PEX14: variants seen among roughly 807,000 people sequenced by gnomAD.
The protein encoded by PEX14 is peroxisomal biogenesis factor 14.
In PEX14, 15 loss-of-function variants were observed where a neutral mutation model predicts 49.5. The observed-to-expected ratio is 0.30, with a 90% CI of 0.20 to 0.47. The LOEUF is 0.47. Among genes scored for constraint, PEX14 ranks in the 20% least tolerant of loss-of-function variants. PEX14 has a pLI of 1.00. For missense variants in PEX14, 398 were observed against 494.8 expected, an observed-to-expected ratio of 0.80 and a Z score of 1.86; for synonymous variants, 210 against 212.7, an observed-to-expected ratio of 0.99 and a Z score of 0.11.
chr1:10,505,667 C>T (rs114571606), intron 2 of PEX14, among the ~76,000 whole-genome samples: 1,728 of 149,518 alleles, frequency 0.012, 27 homozygotes, highest in African/African-American at 0.04. Flanking sequence ...GTGAGCCACC[C>T]GGCCCAGCTT....
intron 3 of PEX14, among the ~76,000 whole-genome samples, chr1:10,572,689 A>C (rs11583484): frequency 0.11 from 15,752 of 144,580 alleles, 876 homozygotes; most frequent in Non-Finnish European, 0.12. Context: ...CGCCCCCCCC[A>C]CCACGCCCAG....
Position 10,512,467 on chromosome 1 carries a change from T to G in PEX14, c.84+17146T>G, listed in dbSNP as rs1570180229. Among the ~76,000 whole-genome samples the G allele has an allele frequency of 2.0e-5, 3 of 152,094 alleles. No individual in the cohort carries two copies. The South Asian group carries it at 6.2e-4, about 32-fold the overall frequency. Reference sequence around the variant, plus strand: ...TTGTGGAATTTTAATGAAGGTGGGGTGGATCCCTGATGTTCGCCTGCTTTG... The same window carrying G: ...TTGTGGAATTTTAATGAAGGTGGGGGGGATCCCTGATGTTCGCCTGCTTTG... On this transcript the variant is annotated intron_variant, in intron 2 of 8. Transcript: ENST00000356607. The surrounding 1 kb of genome is among the most constrained non-coding windows in gnomAD (Gnocchi z 4.6).
At chr1:10,563,796 C>A (rs1048928991) in intron 3 of PEX14, among the ~76,000 whole-genome samples, 9 of 151,970 alleles carry the variant, frequency 5.9e-5, no homozygotes, top group Non-Finnish European at 1.5e-5. Flanking sequence ...CCTGTAGTTC[C>A]AGCTACTCGG....
Position 10,584,284 on chromosome 1 carries a change from A to G in PEX14, c.170-14954A>G, listed in dbSNP as rs77031541. Among the ~76,000 whole-genome samples the G allele has an allele frequency of 6.1e-3, 935 of 152,322 alleles. 15 individuals carry two copies. Among genetic ancestry groups the G allele is most frequent in the African/African-American group, 0.022 (903 of 41,584 alleles). On this transcript the variant is annotated intron_variant, in intron 3 of 8. Transcript: ENST00000356607. Reference sequence around the variant, plus strand: ...TTTGGTGGGGCAAGATTAGGAGTTCAGTGTTAGACGTATTAAGTTTGAGAT... The same window carrying G: ...TTTGGTGGGGCAAGATTAGGAGTTCGGTGTTAGACGTATTAAGTTTGAGAT...
intron 4 of PEX14, 120 bp downstream of exon 4, chr1:10,599,486 C>A: frequency 8.3e-7 from 1 of 1,206,256 alleles, no homozygotes; most frequent in Non-Finnish European, 1.2e-6. Flanking sequence ...CAGCAGAAAG[C>A]TCTTGGGTTT....
At chr1:10,564,591 CTTTCTT>C (rs1413375821) in intron 3 of PEX14, among the ~76,000 whole-genome samples, 4 of 109,480 alleles carry the variant, frequency 3.7e-5, no homozygotes, top group Non-Finnish European at 5.4e-5. Context: ...TTTTCTTTTT[CTTTCTT>C]TTTTTTTTTT....
intron 2 of PEX14, among the ~76,000 whole-genome samples, chr1:10,508,075 C>T (rs1407510083): frequency 1.3e-5 from 2 of 152,222 alleles, no homozygotes; most frequent in African/African-American, 4.8e-5. Flanking sequence ...TTCTTCCTGT[C>T]AGCATTTCCC....
At chr1:10,556,464 C>G (rs1639492974) in intron 3 of PEX14, among the ~76,000 whole-genome samples, 1 of 152,096 alleles carries the variant, frequency 6.6e-6, no homozygotes, top group Non-Finnish European at 1.5e-5. Flanking sequence ...TTCTATTATA[C>G]TAATAAGGAG....
At chr1:10,622,357 G>T (rs1026875107) in intron 5 of PEX14, among the ~76,000 whole-genome samples, 2 of 152,120 alleles carry the variant, frequency 1.3e-5, no homozygotes, top group African/African-American at 4.8e-5. Context: ...TGACTCTTAC[G>T]TGAAGGAAGT....
intron 3 of PEX14, among the ~76,000 whole-genome samples, chr1:10,582,016 A>G (rs993766558): frequency 3.9e-4 from 3 of 7,786 alleles, no homozygotes; most frequent in African/African-American, 4.9e-4. Context: ...CTCATGATTA[A>G]ATTAAATTTT....
chr1:10,579,861 T>G (rs1640260638), intron 3 of PEX14, among the ~76,000 whole-genome samples: 1 of 152,032 alleles, frequency 6.6e-6, no homozygotes, highest in Admixed American at 6.5e-5. Context: ...CTGTATTTTG[T>G]GCCGACTTTC....
chr1:10,594,356 T>C (rs539606681), intron 3 of PEX14, among the ~76,000 whole-genome samples: 7 of 152,220 alleles, frequency 4.6e-5, no homozygotes, highest in South Asian at 2.1e-4. Context: ...TCAGTGTCCA[T>C]GAGTCCCAGA....
intron 8 of PEX14, among the ~76,000 whole-genome samples, chr1:10,627,671 T>G (rs1255166948): frequency 1.3e-5 from 2 of 152,204 alleles, no homozygotes; most frequent in African/African-American, 4.8e-5. Context: ...AACTTCCTGG[T>G]TTGGCTCCTC....
chr1:10,523,477 G>A (rs1414040700), intron 2 of PEX14, among the ~76,000 whole-genome samples: 1 of 152,046 alleles, frequency 6.6e-6, no homozygotes, highest in Non-Finnish European at 1.5e-5. Flanking sequence ...ATCAGCGACT[G>A]CCTCATGGAA....
At chr1:10,491,741 C>CATG (rs2124395229) in intron 1 of PEX14, among the ~76,000 whole-genome samples, 1 of 135,552 alleles carries the variant, frequency 7.4e-6, no homozygotes, top group South Asian at 2.3e-4. Flanking sequence ...AGTGCAGTGG[C>CATG]ATGATCTCAG....
intron 3 of PEX14, among the ~76,000 whole-genome samples, chr1:10,541,311 G>C (rs1226769702): frequency 6.6e-6 from 1 of 152,202 alleles, no homozygotes; most frequent in Non-Finnish European, 1.5e-5. Flanking sequence ...TCAGGAGTGA[G>C]AGCTACCAGG....
intron 2 of PEX14, among the ~76,000 whole-genome samples, chr1:10,520,437 C>T (rs1448339797): frequency 6.6e-6 from 1 of 152,124 alleles, no homozygotes; most frequent in Non-Finnish European, 1.5e-5. Flanking sequence ...GGATTATAGT[C>T]ATGAACCACC....
intron 3 of PEX14, among the ~76,000 whole-genome samples, chr1:10,579,005 A>G (rs1640234026): frequency 6.6e-6 from 1 of 152,110 alleles, no homozygotes; most frequent in South Asian, 2.1e-4. Flanking sequence ...GATGAGGCAG[A>G]AAAAGTATTT....
At position 10,495,130 on chromosome 1, in the gene PEX14, A is replaced by G. The variant is rs2124401690; in HGVS notation, c.37-144A>G. On this transcript the variant is annotated intron_variant, in intron 1 of 8. Transcript: ENST00000356607. This position sits in a 1 kb window ranked among gnomAD's most constrained non-coding sequence, Gnocchi z 4.2. ...TACTTTTTACAGGTAGTCCACTGCA[A>G]AATACTCTTGTGTCGTGAAAAACCA... is the stretch of plus-strand genomic sequence containing the variant. 2 of 1,543,980 alleles carry G rather than the reference A, an allele frequency of 1.3e-6. No homozygotes were observed. The highest frequency in any genetic ancestry group is 2.3e-5 in the South Asian group (2 of 85,280).
Sources: allele counts gnomAD v4.1 joint callset (sites outside exome capture counted in the v4.1 genomes callset), GRCh38; gene constraint gnomAD v4.1.1; non-coding constraint Gnocchi (gnomAD v3.1); transcripts MANE v1.5; gene names NCBI Gene and HGNC (gene_info 2026-07-23, HGNC 2026-07-21).